RAPGEF5: variants seen among roughly 807,000 people sequenced by gnomAD.
RAPGEF5 encodes M-Ras-regulated GEF.
A neutral mutation model predicts 125.2 loss-of-function variants in RAPGEF5; 65 were observed. That is an observed-to-expected ratio of 0.52 (90% CI 0.43 to 0.64). The LOEUF is 0.64. Ranked by LOEUF, RAPGEF5 falls within the 30% of genes least tolerant of loss-of-function variation. RAPGEF5 has a pLI of 0.00. For synonymous variants in RAPGEF5, 391 were observed against 385.9 expected (o/e 1.01, Z -0.16); for missense variants, 958 against 1,048.1 (o/e 0.91, Z 1.19).
intron 11 of RAPGEF5, among the ~76,000 whole-genome samples, chr7:22,180,963 T>C (rs573175837): frequency 2.0e-5 from 3 of 152,190 alleles, no homozygotes; most frequent in Non-Finnish European, 4.4e-5. Context: ...CCAATCAGCA[T>C]TGGCAGAACT....
chr7:22,140,163 C>A (rs755210613), intron 20 of RAPGEF5, 48 bp from the exon 21 acceptor site: 4 of 1,477,234 alleles, frequency 2.7e-6, no homozygotes, highest in Non-Finnish European at 3.7e-6. Flanking sequence ...ACATTCTTTC[C>A]CCAGATAATC....
chr7:22,286,704 T>C (rs1406751610), intron 6 of RAPGEF5, among the ~76,000 whole-genome samples: 3 of 152,194 alleles, frequency 2.0e-5, no homozygotes, highest in Non-Finnish European at 4.4e-5. Flanking sequence ...GCTTTGAAAG[T>C]AATACATAAT....
At chr7:22,159,082 G>A (rs890333796) in intron 14 of RAPGEF5, among the ~76,000 whole-genome samples, 1 of 152,218 alleles carries the variant, frequency 6.6e-6, no homozygotes, top group Non-Finnish European at 1.5e-5. Flanking sequence ...TTTCCCAGCT[G>A]TAACAGGTCT....
intron 8 of RAPGEF5, among the ~76,000 whole-genome samples, chr7:22,226,520 G>T (rs191842692): frequency 1.3e-5 from 2 of 152,230 alleles, no homozygotes; most frequent in East Asian, 3.9e-4. Context: ...TTTCTTCAGA[G>T]AAAAAAGTTA....
chr7:22,224,139 A>C (rs1785857287), intron 8 of RAPGEF5, among the ~76,000 whole-genome samples: 1 of 152,220 alleles, frequency 6.6e-6, no homozygotes, highest in Non-Finnish European at 1.5e-5. Flanking sequence ...GCATTACTAA[A>C]GGCCCACTTG....
At chr7:22,240,038 G>T (rs71526391) in intron 7 of RAPGEF5, among the ~76,000 whole-genome samples, 1 of 151,582 alleles carries the variant, frequency 6.6e-6, no homozygotes, top group African/African-American at 2.4e-5. Flanking sequence ...GCAAAACCCC[G>T]TCTCTACTAA....
intron 5 of RAPGEF5, among the ~76,000 whole-genome samples, chr7:22,307,120 T>G (rs950903003): frequency 6.6e-6 from 1 of 152,210 alleles, no homozygotes; most frequent in African/African-American, 2.4e-5. Flanking sequence ...GGGATTGCAT[T>G]GAATCTGTAG....
intron 24 of RAPGEF5, among the ~76,000 whole-genome samples, chr7:22,128,167 C>T (rs1366296990): frequency 6.6e-6 from 1 of 152,096 alleles, no homozygotes; most frequent in East Asian, 1.9e-4. Context: ...CATCTTTAGG[C>T]TTTCTAAAGG....
At chr7:22,345,108 C>T (rs149006117) in intron 1 of RAPGEF5, among the ~76,000 whole-genome samples, 2,347 of 152,324 alleles carry the variant, frequency 0.015, 59 homozygotes, top group African/African-American at 0.054. Context: ...ACAAGCCCTC[C>T]AGGGATTCTG....
chr7:22,278,468 T>A (rs913935948), intron 6 of RAPGEF5, among the ~76,000 whole-genome samples: 1 of 152,098 alleles, frequency 6.6e-6, no homozygotes, highest in East Asian at 1.9e-4. Context: ...TATAGTAATG[T>A]AGGTTTATGT....
intron 1 of RAPGEF5, among the ~76,000 whole-genome samples, chr7:22,334,455 G>A (rs939512614): frequency 1.3e-5 from 2 of 152,128 alleles, no homozygotes; most frequent in African/African-American, 2.4e-5. Flanking sequence ...ATGTTTCCGA[G>A]AGAACCATGA....
Position 22,357,151 on chromosome 7 carries a change from G to T in RAPGEF5, c.-91C>A. ...CCTTCGCCAGGAAGCGAGAGGGCGCGACTGCGGCTCGGGCGCGGGGCGCGC... is the reference window on the plus strand; with the variant it reads ...CCTTCGCCAGGAAGCGAGAGGGCGCTACTGCGGCTCGGGCGCGGGGCGCGC... On this transcript the variant is annotated 5_prime_UTR_variant, in exon 1 of 26. Coordinates refer to ENST00000665637, the MANE Select transcript of RAPGEF5 (RefSeq NM_012294.5). 1.5e-6 allele frequency: 1 copy of T among 675,100 alleles called. No individual in the cohort carries two copies. Among genetic ancestry groups the T allele is most frequent in the Non-Finnish European group, 1.8e-6 (1 of 543,326 alleles). 41.8% of individuals were successfully genotyped at this position (675,100 alleles called of 1,614,324 possible).
intron 7 of RAPGEF5, among the ~76,000 whole-genome samples, chr7:22,231,835 C>A (rs867117529): frequency 1.3e-5 from 2 of 152,146 alleles, no homozygotes; most frequent in South Asian, 2.1e-4. Context: ...GAGTAGAGAC[C>A]ACAATAAATT....
At chr7:22,208,029 T>G (rs920076768) in intron 9 of RAPGEF5, among the ~76,000 whole-genome samples, 3 of 152,328 alleles carry the variant, frequency 2.0e-5, no homozygotes, top group African/African-American at 4.8e-5. Flanking sequence ...TTCTGTGTGT[T>G]TTTGCCCTTC....
intron 7 of RAPGEF5, among the ~76,000 whole-genome samples, chr7:22,244,782 A>C (rs1205905207): frequency 6.6e-6 from 1 of 152,190 alleles, no homozygotes; most frequent in Non-Finnish European, 1.5e-5. Context: ...CGCTGCTGAA[A>C]TTAAAATGAG....
intron 5 of RAPGEF5, among the ~76,000 whole-genome samples, chr7:22,294,938 T>C (rs938750424): frequency 6.6e-6 from 1 of 152,242 alleles, no homozygotes; most frequent in Admixed American, 6.5e-5. Context: ...CTATTCAAGG[T>C]GTGCCACATG....
chr7:22,130,917 C>T lies in RAPGEF5; in HGVS notation c.2481+120G>A, dbSNP rs1782896104. 2.2e-6 allele frequency: 3 copies of T among 1,377,326 alleles called. No individual in the cohort carries two copies. The South Asian group carries it at 4.3e-5, about 20-fold the overall frequency. The allele number at this position is 1,377,326 out of a possible 1,614,324, so 85.3% of individuals were successfully genotyped here. ...CTCCTTGAATGAAGCAAATAAGCTC[C>T]TTGAATTCGCCATGCATCCAATGGA... On this transcript the variant is annotated intron_variant, in intron 24 of 25. Transcript: ENST00000665637.
chr7:22,130,338 G>A (rs1368272486), intron 24 of RAPGEF5, among the ~76,000 whole-genome samples: 1 of 152,172 alleles, frequency 6.6e-6, no homozygotes, highest in East Asian at 1.9e-4. Flanking sequence ...AGGCTTGGAG[G>A]GGCCCACTGT....
chr7:22,293,011 T>C (rs1277359704), intron 5 of RAPGEF5, among the ~76,000 whole-genome samples: 5 of 152,256 alleles, frequency 3.3e-5, no homozygotes, highest in African/African-American at 1.2e-4. Flanking sequence ...GAAGCAAAAC[T>C]GTCTTTCATT....
Sources: allele counts gnomAD v4.1 joint callset (sites outside exome capture counted in the v4.1 genomes callset), GRCh38; gene constraint gnomAD v4.1.1; transcripts MANE v1.5; gene names NCBI Gene and HGNC (gene_info 2026-07-23, HGNC 2026-07-21).